The following UMAD1 variants were observed in gnomAD, a reference collection of about 807,000 sequenced individuals.
UMAD1 encodes the protein UBAP1-MVB12-associated (UMA)-domain containing protein 1.
In UMAD1, 8 loss-of-function variants were observed where a neutral mutation model predicts 6.1. The observed-to-expected ratio is 1.30, with a 90% CI of 0.76 to 2.35. The LOEUF (loss-of-function observed/expected upper bound fraction) is 2.35. Among genes scored for constraint, UMAD1 ranks in the 30% most tolerant of loss-of-function variants. The pLI, the probability that UMAD1 is intolerant of heterozygous loss-of-function variation, is 0.00. For synonymous variants in UMAD1, 56 were observed against 31.4 expected (o/e 1.78, Z -2.61); for missense variants, 130 against 78.4 (o/e 1.66, Z -2.49).
intron 2 of UMAD1, among the ~76,000 whole-genome samples, chr7:7,682,117 G>T (rs374877658): frequency 5.1e-4 from 78 of 152,226 alleles, no homozygotes; most frequent in African/African-American, 1.8e-3. Context: ...ACAGTACAAG[G>T]GAAATGCATC....
intron 2 of UMAD1, among the ~76,000 whole-genome samples, chr7:7,683,387 G>A (rs962420600): frequency 2.6e-5 from 4 of 152,114 alleles, no homozygotes; most frequent in African/African-American, 7.2e-5. Flanking sequence ...AGGCTGAGAA[G>A]CACTACAGTT....
intron 2 of UMAD1, among the ~76,000 whole-genome samples, chr7:7,777,460 T>G (rs1782233876): frequency 6.9e-6 from 1 of 144,288 alleles, no homozygotes; most frequent in Non-Finnish European, 1.5e-5. Context: ...GAGCTGAGAT[T>G]GAACCACCGC....
At chr7:7,698,944 T>C (rs1227903423) in intron 2 of UMAD1, among the ~76,000 whole-genome samples, 6 of 151,264 alleles carry the variant, frequency 4.0e-5, no homozygotes, top group Admixed American at 3.9e-4. Flanking sequence ...AGTCTCGACT[T>C]CCCTGGGCTC....
intron 3 of UMAD1, among the ~76,000 whole-genome samples, chr7:7,857,956 A>G (rs571467979): frequency 1.3e-5 from 2 of 152,366 alleles, no homozygotes; most frequent in South Asian, 2.1e-4. Flanking sequence ...GCATGAAGTG[A>G]AATGTCCTTA....
chr7:7,672,019 T>G (rs1446097640), intron 1 of UMAD1, among the ~76,000 whole-genome samples: 1 of 152,210 alleles, frequency 6.6e-6, no homozygotes, highest in Admixed American at 6.5e-5. Flanking sequence ...GGGGTTCATA[T>G]CCTTCTCTGA....
chr7:7,685,688 C>T (rs1330799054), intron 2 of UMAD1: 2 of 152,198 alleles, frequency 1.3e-5, no homozygotes, highest in African/African-American at 2.4e-5. Flanking sequence ...GCCTGACCCT[C>T]TTCGAAGTTG....
intron 2 of UMAD1, among the ~76,000 whole-genome samples, chr7:7,713,863 C>G (rs1302189489): frequency 6.6e-6 from 1 of 152,136 alleles, no homozygotes; most frequent in African/African-American, 2.4e-5. Flanking sequence ...CAGGGTCTCA[C>G]TCTGTCACCC....
intron 2 of UMAD1, among the ~76,000 whole-genome samples, chr7:7,732,889 A>T (rs1319545446): frequency 6.6e-6 from 1 of 152,232 alleles, no homozygotes; most frequent in Non-Finnish European, 1.5e-5. Context: ...TAAGTTGGTC[A>T]TCTATGAAAC....
intron 2 of UMAD1, among the ~76,000 whole-genome samples, chr7:7,695,623 A>C (rs935960406): frequency 1.3e-5 from 2 of 152,104 alleles, no homozygotes; most frequent in African/African-American, 2.4e-5. Flanking sequence ...TGGAATTTCT[A>C]CTCACAGGAT....
intron 3 of UMAD1, among the ~76,000 whole-genome samples, chr7:7,823,710 A>G (rs1335139533): frequency 6.6e-6 from 1 of 152,156 alleles, no homozygotes; most frequent in Non-Finnish European, 1.5e-5. Flanking sequence ...GATAATTTTC[A>G]CAATAATATG....
intron 2 of UMAD1, among the ~76,000 whole-genome samples, chr7:7,678,708 A>G (rs376504379): frequency 0.035 from 2,386 of 68,300 alleles, 76 homozygotes; most frequent in Middle Eastern, 0.05. Flanking sequence ...ATATATTTAT[A>G]TATTTAGTTT....
intron 1 of UMAD1, among the ~76,000 whole-genome samples, chr7:7,662,860 A>G (rs1785509456): frequency 6.6e-6 from 1 of 152,234 alleles, no homozygotes; most frequent in African/African-American, 2.4e-5. Flanking sequence ...ATTTAAAAGA[A>G]AGATATAATG....
At chr7:7,871,888 A>G (rs1784339061) in intron 3 of UMAD1, among the ~76,000 whole-genome samples, 2 of 152,002 alleles carry the variant, frequency 1.3e-5, no homozygotes, top group African/African-American at 4.8e-5. Context: ...AGGAATAAAT[A>G]TTGCTGCTGG....
intron 2 of UMAD1, among the ~76,000 whole-genome samples, chr7:7,727,547 A>G (rs559705897): frequency 2.0e-5 from 3 of 152,308 alleles, no homozygotes; most frequent in African/African-American, 7.2e-5. Flanking sequence ...CATGCAGAGT[A>G]ATAATCCTGG....
chr7:7,728,993 A>G (rs1311016586), intron 2 of UMAD1, among the ~76,000 whole-genome samples: 1 of 152,238 alleles, frequency 6.6e-6, no homozygotes, highest in Non-Finnish European at 1.5e-5. Flanking sequence ...GTAAAACTAC[A>G]ATGTTCATAA....
At chr7:7,760,412 AAATAATAATAATAATAAT>A (rs71014709) in intron 2 of UMAD1, among the ~76,000 whole-genome samples, 8 of 142,704 alleles carry the variant, frequency 5.6e-5, no homozygotes, top group Admixed American at 7.0e-5. Context: ...AAAAAATACA[AAATAATAATAATAATAAT>A]AATAATAATA....
chr7:7,796,048 C>T (rs564158658), intron 2 of UMAD1, among the ~76,000 whole-genome samples: 1 of 152,070 alleles, frequency 6.6e-6, no homozygotes, highest in South Asian at 2.1e-4. Flanking sequence ...CACTTGTGGC[C>T]AAGTCCTCCC....
At chr7:7,753,606 AT>A (rs1781720109) in intron 2 of UMAD1, among the ~76,000 whole-genome samples, 1 of 152,122 alleles carries the variant, frequency 6.6e-6, no homozygotes. Context: ...ACTGGGTGTC[AT>A]TCTTTCTTGT....
At chr7:7,833,413 G>A (rs937476509) in intron 3 of UMAD1, among the ~76,000 whole-genome samples, 3 of 152,054 alleles carry the variant, frequency 2.0e-5, no homozygotes, top group African/African-American at 7.2e-5. Flanking sequence ...ACCACCGAGG[G>A]GGATTCAGAG....
Sources: gnomAD v4.1 joint callset for allele counts (sites outside exome capture counted in the v4.1 genomes callset) on GRCh38, gnomAD v4.1.1 for gene constraint, MANE v1.5 for transcripts, NCBI Gene and HGNC (gene_info 2026-07-23, HGNC 2026-07-21) for gene names.